Variants in ANKDD1A observed in about 807,000 individuals in gnomAD.
ANKDD1A encodes ankyrin repeat and death domain containing 1A, also known as ankyrin repeat and death domain-containing protein 1A.
A neutral mutation model predicts 63.5 loss-of-function variants in ANKDD1A; 59 were observed. The ratio of observed to expected loss-of-function variants is 0.93; its 90% confidence interval spans 0.75 to 1.15. The LOEUF (loss-of-function observed/expected upper bound fraction) is 1.15. Ranked by LOEUF, ANKDD1A falls within the 50% of genes most tolerant of loss-of-function variation. The pLI, the probability that ANKDD1A is intolerant of heterozygous loss-of-function variation, is 0.00. For synonymous variants in ANKDD1A, 266 were observed against 263.9 expected, an observed-to-expected ratio of 1.01 and a Z score of -0.08; for missense variants, 632 against 656.4, an observed-to-expected ratio of 0.96 and a Z score of 0.41.
At chr15:64,940,441 T>TA (rs1420931679) in intron 9 of ANKDD1A, among the ~76,000 whole-genome samples, 39 of 148,758 alleles carry the variant, frequency 2.6e-4, no homozygotes, top group African/African-American at 2.7e-4. Context: ...GATATATAGA[T>TA]ATTTTTTTTG....
chr15:64,931,366 C>A, intron 7 of ANKDD1A, 121 bp from the exon 8 acceptor site: 2 of 813,186 alleles, frequency 2.5e-6, no homozygotes, highest in Non-Finnish European at 3.9e-6. Flanking sequence ...AGGGGCAGGG[C>A]AGTGGAGAGC....
At chr15:64,954,345 TCCTTCTTC>T (rs1362571875) in intron 14 of ANKDD1A, among the ~76,000 whole-genome samples, 1 of 70,410 alleles carries the variant, frequency 1.4e-5, no homozygotes, top group East Asian at 4.0e-4. Flanking sequence ...CTTCCTCCTC[TCCTTCTTC>T]TCTTCTTCTC....
intron 14 of ANKDD1A, among the ~76,000 whole-genome samples, chr15:64,954,002 TTCTTCTTCCTTCTTTCCTC>T (rs2085369575): frequency 8.3e-6 from 1 of 120,990 alleles, no homozygotes; most frequent in Non-Finnish European, 1.7e-5. Context: ...TTTCTTTCCT[TTCTTCTTCCTTCTTTCCTC>T]TTCTTTTCTT....
Position 64,926,120 on chromosome 15 carries a change from G to C in ANKDD1A, c.421G>C (p.Ala141Pro), listed in dbSNP as rs766596137. 11 of 1,614,076 alleles carry C rather than the reference G, an allele frequency of 6.8e-6. No homozygotes were observed. Among genetic ancestry groups the C allele is most frequent in the Non-Finnish European group, 9.3e-6 (11 of 1,180,012 alleles). ...AAQKGHVPVLAFIMEDLEDVA... is the reference protein window; with the variant it reads ...AAQKGHVPVLPFIMEDLEDVA... Reference sequence around the variant, plus strand: ...CCAAAAAGGCCATGTGCCTGTGCTGGCGTTCATAATGGAGGACCTGGAGGA... The same window carrying C: ...CCAAAAAGGCCATGTGCCTGTGCTGCCGTTCATAATGGAGGACCTGGAGGA... Residue 141 changes from alanine (A) to proline (P), a missense_variant, in exon 5 of 15, where the codon GCG becomes CCG. Transcript: ENST00000319580.
chr15:64,941,481 G>A (rs1377994311), intron 9 of ANKDD1A, among the ~76,000 whole-genome samples: 1 of 150,938 alleles, frequency 6.6e-6, no homozygotes, highest in East Asian at 1.9e-4. Context: ...GAGCAACTGT[G>A]CTAGCTCTGT....
At position 64,930,914 on chromosome 15, in the gene ANKDD1A, G is replaced by T; in HGVS notation, c.663G>T (p.Gln221His). Residue 221 changes from glutamine to histidine, a missense_variant, in exon 7 of 15, where the codon CAG becomes CAT. Gln to His is a conservative substitution (Grantham distance 24). Coordinates refer to ENST00000319580, the MANE Select transcript of ANKDD1A (RefSeq NM_182703.6). ...LVDIGLDLEE[Q>H]NAEGLTALHS... ...ACATCGGGCTGGACCTGGAGGAGCA[G>T]AATGCGGTGAGTCACCGCCTGGGGA... 2 of 1,611,186 alleles carry T rather than the reference G, an allele frequency of 1.2e-6. No homozygotes were observed. The highest frequency in any genetic ancestry group is 1.1e-5 in the South Asian group (1 of 90,826).
At chr15:64,944,595 C>G in intron 11 of ANKDD1A, 57 bp from the exon 12 acceptor site, 1 of 1,532,054 alleles carries the variant, frequency 6.5e-7, no homozygotes, top group Non-Finnish European at 8.9e-7. Flanking sequence ...GTGCTAGAAA[C>G]CCTTGTGTAC....
chr15:64,913,401 GTGA>G (rs2084946852), intron 1 of ANKDD1A, among the ~76,000 whole-genome samples: 3 of 152,284 alleles, frequency 2.0e-5, no homozygotes, highest in African/African-American at 2.4e-5. Flanking sequence ...AGGAATAATA[GTGA>G]TGATGATGGT....
intron 12 of ANKDD1A, among the ~76,000 whole-genome samples, chr15:64,945,631 T>TATATATATATATATATATATATA (rs1566913754): frequency 1.5e-4 from 6 of 40,100 alleles, no homozygotes; most frequent in East Asian, 2.6e-3. Context: ...TATATATATA[T>TATATATATATATATATATATATA]GAACTTTTTT....
At chr15:64,951,155 C>A in intron 14 of ANKDD1A, 1 of 1,112,970 alleles carries the variant, frequency 9.0e-7, no homozygotes. Flanking sequence ...CACAGTCATG[C>A]AGAGCCCAGG....
intron 4 of ANKDD1A, among the ~76,000 whole-genome samples, chr15:64,923,153 A>G (rs1326572280): frequency 6.6e-6 from 1 of 152,082 alleles, no homozygotes; most frequent in Non-Finnish European, 1.5e-5. Context: ...AACCCCCACA[A>G]CCTAACACAC....
rs192841476 is a variant in ANKDD1A, at chr15:64,921,478, G to A, written c.268-443G>A. On this transcript the variant is annotated intron_variant, in intron 3 of 14. Coordinates refer to ENST00000319580, the MANE Select transcript of ANKDD1A (RefSeq NM_182703.6). ...CAACCTCCGTCTCCTGGGTTCAAGC[G>A]ATTCTCCTGCCTCAACCTCCCAAGT... is the stretch of plus-strand genomic sequence containing the variant. 1.1e-3 allele frequency among the ~76,000 whole-genome samples: 167 copies of A among 152,220 alleles called. 1 individual carries two copies. The highest frequency in any genetic ancestry group is 3.5e-3 in the African/African-American group (147 of 41,538).
Position 64,958,302 on chromosome 15 carries a change from A to G in ANKDD1A, c.*1114A>G, listed in dbSNP as rs573766980. 9 of 152,320 alleles carry G rather than the reference A, an allele frequency of 5.9e-5. No individual in the cohort carries two copies. In the South Asian group the frequency reaches 1.9e-3, roughly 32 times the overall value. 9.4% of individuals were successfully genotyped at this position (152,320 alleles called of 1,614,324 possible). A position where few individuals can be genotyped will look rare whatever the true frequency, so the allele number is the denominator to read the frequency against. On this transcript the variant is annotated 3_prime_UTR_variant, in exon 15 of 15. Coordinates refer to ENST00000319580, the MANE Select transcript of ANKDD1A (RefSeq NM_182703.6). ...ATGTACAGCACAAAGCGTTTGCTCT[A>G]ATGTGAGCTATGGACTTTAGTTAAT...
chr15:64,952,666 T>C (rs2085316477), intron 14 of ANKDD1A, among the ~76,000 whole-genome samples: 1 of 142,120 alleles, frequency 7.0e-6, no homozygotes, highest in Non-Finnish European at 1.5e-5. Context: ...TTCTTCCCCT[T>C]CTTCCTTCTT....
intron 1 of ANKDD1A, among the ~76,000 whole-genome samples, chr15:64,912,843 A>G (rs2084941712): frequency 6.6e-6 from 1 of 152,242 alleles, no homozygotes; most frequent in East Asian, 1.9e-4. Flanking sequence ...GGGAATGCTC[A>G]ATCAAGATTA....
At chr15:64,945,152 ATTC>A (rs1451719619) in intron 12 of ANKDD1A, among the ~76,000 whole-genome samples, 2 of 152,178 alleles carry the variant, frequency 1.3e-5, no homozygotes, top group African/African-American at 2.4e-5. Flanking sequence ...GTGTGTTGCA[ATTC>A]ATTAGTCGTG....
intron 12 of ANKDD1A, among the ~76,000 whole-genome samples, chr15:64,947,078 G>C (rs1283189697): frequency 6.6e-6 from 1 of 152,196 alleles, no homozygotes; most frequent in African/African-American, 2.4e-5. Flanking sequence ...AGGAAAGAGA[G>C]GCAGGTGACC....
At chr15:64,951,549 C>CTCTTTCTTTTCT (rs2085277151) in intron 14 of ANKDD1A, 1 of 3,156 alleles carries the variant, frequency 3.2e-4, no homozygotes, top group Non-Finnish European at 9.1e-4. Context: ...CTTCTTTCTT[C>CTCTTTCTTTTCT]TCTTCTTTCT....
intron 6 of ANKDD1A, among the ~76,000 whole-genome samples, chr15:64,927,224 C>T (rs891795106): frequency 3.3e-5 from 5 of 152,318 alleles, no homozygotes; most frequent in African/African-American, 1.2e-4. Context: ...CCCAAGACAC[C>T]GTTTCTTACT....
Sources: gnomAD v4.1 joint callset for allele counts (sites outside exome capture counted in the v4.1 genomes callset) on GRCh38, gnomAD v4.1.1 for gene constraint, MANE v1.5 for transcripts, NCBI Gene and HGNC (gene_info 2026-07-23, HGNC 2026-07-21) for gene names.